The following CDYL variants were observed in gnomAD, a reference collection of about 807,000 sequenced individuals.
CDYL encodes the protein chromodomain Y-like protein.
Under a neutral mutation model 47.3 loss-of-function variants are expected in CDYL, and 8 were observed. That is an observed-to-expected ratio of 0.17 (90% CI 0.10 to 0.31). The LOEUF is 0.31. Among genes scored for constraint, CDYL ranks in the 10% least tolerant of loss-of-function variants. The pLI is 1.00. For missense variants in CDYL, 471 were observed against 701.4 expected (o/e 0.67, Z 3.71); for synonymous variants, 266 against 265.0 (o/e 1.00, Z -0.04).
At chr6:4,824,573 ATTG>A (rs1168556387) in intron 1 of CDYL, among the ~76,000 whole-genome samples, 5 of 151,936 alleles carry the variant, frequency 3.3e-5, no homozygotes, top group African/African-American at 1.2e-4. Context: ...GTTATTTGTC[ATTG>A]TTGTTGAGTT....
Position 4,891,883 on chromosome 6 carries a change from G to C in CDYL, c.195G>C (p.Glu65Asp). Residue 65 changes from glutamate (E) to aspartate (D), a missense_variant, in exon 2 of 7, where the codon GAG becomes GAC. By Grantham distance (45) the Glu-to-Asp change is conservative. Coordinates refer to ENST00000397588, the MANE Select transcript of CDYL (RefSeq NM_004824.4). ...FNRRHTEKQK[E>D]STLTRTNRTS... Reference sequence around the variant, plus strand: ...GACGCCACACGGAGAAGCAGAAGGAGAGCACATTGACCAGAACAAACAGGA... The same window carrying C: ...GACGCCACACGGAGAAGCAGAAGGACAGCACATTGACCAGAACAAACAGGA... The C allele has an allele frequency of 1.9e-6, 3 of 1,614,144 alleles. No individual in the cohort carries two copies. Among genetic ancestry groups the C allele is most frequent in the Non-Finnish European group, 2.5e-6 (3 of 1,180,032 alleles).
At chr6:4,880,469 G>T (rs767875370) in intron 1 of CDYL, among the ~76,000 whole-genome samples, 17 of 152,008 alleles carry the variant, frequency 1.1e-4, no homozygotes, top group Non-Finnish European at 2.1e-4. Flanking sequence ...ACAAGTTTTG[G>T]CTATTATGAG....
At chr6:4,738,627 A>G (rs1374485088) in intron 3 of CDYL, among the ~76,000 whole-genome samples, 1 of 152,242 alleles carries the variant, frequency 6.6e-6, no homozygotes, top group Admixed American at 6.5e-5. Context: ...AGTTGGCATT[A>G]TCCAGCAAAG....
At chr6:4,860,515 T>A (rs57267215) in intron 1 of CDYL, among the ~76,000 whole-genome samples, 1,735 of 147,324 alleles carry the variant, frequency 0.012, 22 homozygotes, top group African/African-American at 0.039. Flanking sequence ...ATATAAAAAA[T>A]ATATATATAA....
At chr6:4,920,163 C>T (rs1757671485) in intron 2 of CDYL, among the ~76,000 whole-genome samples, 2 of 152,192 alleles carry the variant, frequency 1.3e-5, no homozygotes, top group South Asian at 4.2e-4. Flanking sequence ...GAGAGTGGTG[C>T]TTTACCAGGG....
chr6:4,876,135 G>T (rs894503117), intron 1 of CDYL, among the ~76,000 whole-genome samples: 2 of 152,050 alleles, frequency 1.3e-5, no homozygotes, highest in South Asian at 2.1e-4. Flanking sequence ...CACCCTTGTT[G>T]TTTGTTGTTG....
intron 3 of CDYL, among the ~76,000 whole-genome samples, chr6:4,749,467 G>C (rs1757954460): frequency 6.6e-6 from 1 of 151,636 alleles, no homozygotes; most frequent in African/African-American, 2.4e-5. Flanking sequence ...ATATGTGATG[G>C]ATGGATGGAT....
chr6:4,767,949 A>G (rs1010265122), intron 3 of CDYL, among the ~76,000 whole-genome samples: 4 of 152,226 alleles, frequency 2.6e-5, no homozygotes, highest in Non-Finnish European at 5.9e-5. Flanking sequence ...CTTTCTCTTC[A>G]TAGAGCCAAA....
chr6:4,794,831 A>G (rs1452943088), intron 1 of CDYL, among the ~76,000 whole-genome samples: 5 of 152,350 alleles, frequency 3.3e-5, no homozygotes, highest in African/African-American at 9.6e-5. Flanking sequence ...TAATGCCAGT[A>G]CATAGAAAGG....
intron 3 of CDYL, among the ~76,000 whole-genome samples, chr6:4,761,306 G>C (rs1262184880): frequency 6.6e-6 from 1 of 152,096 alleles, no homozygotes; most frequent in Non-Finnish European, 1.5e-5. Flanking sequence ...CCATGAGAGG[G>C]TCAATCACAG....
At chr6:4,871,804 A>G (rs1443801755) in intron 1 of CDYL, among the ~76,000 whole-genome samples, 2 of 152,170 alleles carry the variant, frequency 1.3e-5, no homozygotes, top group African/African-American at 4.8e-5. Context: ...AGTCTGTCTG[A>G]CACTCATCTT....
intron 3 of CDYL, among the ~76,000 whole-genome samples, chr6:4,736,157 T>C (rs998006917): frequency 6.6e-6 from 1 of 152,238 alleles, no homozygotes; most frequent in Non-Finnish European, 1.5e-5. Flanking sequence ...ATGTAGTGCT[T>C]GTCCTTCTGT....
At chr6:4,916,133 C>T (rs753904028) in intron 2 of CDYL, among the ~76,000 whole-genome samples, 4 of 152,140 alleles carry the variant, frequency 2.6e-5, no homozygotes, top group Admixed American at 6.5e-5. Context: ...AAACTGTAAC[C>T]CAGCCACCTT....
At chr6:4,920,365 C>A (rs1385522616) in intron 2 of CDYL, among the ~76,000 whole-genome samples, 2 of 152,170 alleles carry the variant, frequency 1.3e-5, no homozygotes, top group East Asian at 1.9e-4. Context: ...ATTCCATTTG[C>A]TAATATGTAG....
chr6:4,852,603 C>CT (rs1561670497), intron 1 of CDYL, among the ~76,000 whole-genome samples: 1 of 122,908 alleles, frequency 8.1e-6, no homozygotes, highest in African/African-American at 4.4e-5. Flanking sequence ...TCCTTCCTTC[C>CT]TCCTTCCTTC....
Position 4,913,856 on chromosome 6 carries a change from A to T in CDYL, c.691+21477A>T, listed in dbSNP as rs1757479978. Among the ~76,000 whole-genome samples the T allele has an allele frequency of 2.0e-5, 3 of 152,264 alleles. No homozygotes were observed. The South Asian group carries it at 6.2e-4, about 31-fold the overall frequency. On this transcript the variant is annotated intron_variant, in intron 2 of 6. Coordinates refer to ENST00000397588, the MANE Select transcript of CDYL (RefSeq NM_004824.4). ...ACAAAACTTTATTCACAAAAACAGG[A>T]AGCAGCCCAGATTTGGCCAGGAGCC...
chr6:4,854,320 C>A (rs1368864094), intron 1 of CDYL, among the ~76,000 whole-genome samples: 1 of 152,198 alleles, frequency 6.6e-6, no homozygotes, highest in African/African-American at 2.4e-5. Flanking sequence ...CAAAACTCAG[C>A]ATCCGCAGTT....
chr6:4,722,946 A>G (rs926000022), intron 2 of CDYL, among the ~76,000 whole-genome samples: 1 of 152,160 alleles, frequency 6.6e-6, no homozygotes, highest in Admixed American at 6.5e-5. Flanking sequence ...TGATTACCCT[A>G]GCATAAGCAA....
At chr6:4,806,912 ACT>A (rs990717702) in intron 1 of CDYL, among the ~76,000 whole-genome samples, 1 of 152,072 alleles carries the variant, frequency 6.6e-6, no homozygotes, top group African/African-American at 2.4e-5. Context: ...TTGTTTCCTC[ACT>A]GTTTCTGAGG....
Sources: allele counts gnomAD v4.1 joint callset (sites outside exome capture counted in the v4.1 genomes callset), GRCh38; gene constraint gnomAD v4.1.1; transcripts MANE v1.5; gene names NCBI Gene and HGNC (gene_info 2026-07-23, HGNC 2026-07-21).